UNC80: variants seen among roughly 807,000 people sequenced by gnomAD.
The protein encoded by UNC80 is protein unc-80 homolog.
Under a neutral mutation model 384.6 loss-of-function variants are expected in UNC80, and 164 were observed. That is an observed-to-expected ratio of 0.43 (90% CI 0.38 to 0.49). The LOEUF is 0.49. Ranked by LOEUF, UNC80 falls within the 20% of genes least tolerant of loss-of-function variation. The probability of loss-of-function intolerance (pLI) is 0.00; values close to 1 mark genes in which losing one functional copy is unlikely to be tolerated. For missense variants in UNC80, 3,330 were observed against 4,143.0 expected (o/e 0.80, Z 5.39); for synonymous variants, 1,486 against 1,527.8 (o/e 0.97, Z 0.64).
At chr2:209,812,173 C>A (rs182254006) in intron 7 of UNC80, among the ~76,000 whole-genome samples, 15 of 151,944 alleles carry the variant, frequency 9.9e-5, no homozygotes, top group South Asian at 2.1e-4. Flanking sequence ...CCTCAGCCTC[C>A]GGAGTAGCTG....
In UNC80 at chr2:209,777,480, G is replaced by C; in HGVS notation, c.521G>C (p.Arg174Pro). The change falls in exon 4 of 65, where the codon CGA (arginine) becomes CCA (proline). Residue 174 changes from arginine (R) to proline (P), a missense_variant. Arg to Pro is a moderately radical substitution (Grantham distance 103, BLOSUM62 -2). Coordinates refer to ENST00000673920, the MANE Select transcript of UNC80 (RefSeq NM_001371986.1). Reference protein sequence around the residue: ...SSSNDEEENNRRKIFQNSMAT... With the variant: ...SSSNDEEENNPRKIFQNSMAT... ...TCTAATGACGAAGAAGAGAACAACCGAAGAAAGATCTTCCAGAACTCCATG... is the reference window on the plus strand; with the variant it reads ...TCTAATGACGAAGAAGAGAACAACCCAAGAAAGATCTTCCAGAACTCCATG... The C allele has an allele frequency of 6.2e-7, 1 of 1,614,158 alleles. No individual in the cohort carries two copies. The highest frequency in any genetic ancestry group is 1.7e-5 in the Admixed American group (1 of 60,012).
rs766533816 is a variant in UNC80 at position 209,930,895 on chromosome 2, T to A, written c.5908-73T>A. 11 of 1,122,030 alleles carry A rather than the reference T, an allele frequency of 9.8e-6. 1 individual carries two copies. Among genetic ancestry groups the A allele is most frequent in the South Asian group, 4.6e-5 (3 of 65,776 alleles). 69.5% of individuals were successfully genotyped at this position (1,122,030 alleles called of 1,614,324 possible). The stretch of plus-strand genomic sequence containing the variant: ...AAAAATCCCTCACCCAATCCCGAAT[T>A]TTCAAGAAGTTAATTTTATTTTCTA... On this transcript the variant is annotated intron_variant, in intron 37 of 64. Transcript: ENST00000673920.
chr2:209,955,643 C>T (rs13404843), intron 48 of UNC80, among the ~76,000 whole-genome samples: 1 of 137,968 alleles, frequency 7.2e-6, no homozygotes, highest in African/African-American at 2.6e-5. Context: ...TTTCCTACAA[C>T]TAGAAGAAAG....
intron 12 of UNC80, 38 bp downstream of exon 12, chr2:209,819,299 A>T: frequency 6.6e-7 from 1 of 1,511,282 alleles, no homozygotes; most frequent in Non-Finnish European, 8.9e-7. Flanking sequence ...AGTTAGACAG[A>T]TATTAATTAT....
At chr2:209,984,786 C>CTTTTTTG in intron 60 of UNC80, 70 bp from the exon 61 acceptor site, 5 of 1,438,336 alleles carry the variant, frequency 3.5e-6, no homozygotes, top group Non-Finnish European at 4.6e-6. Flanking sequence ...AATTGCATGC[C>CTTTTTTG]TTTTTTCTTT....
chr2:209,805,200 T>A (rs919156837), intron 7 of UNC80, among the ~76,000 whole-genome samples: 1 of 152,226 alleles, frequency 6.6e-6, no homozygotes, highest in African/African-American at 2.4e-5. Flanking sequence ...ACCCAGTTTG[T>A]TAGGCACTTA....
rs1036988986 is a variant in UNC80, at chr2:209,937,556, C to A, written c.6391C>A (p.Arg2131=). ...KTYVRDIYPF[R]RSVSPQLNLV... is the part of the protein sequence containing the mutation. ...CTATGTTCGAGATATTTATCCTTTC[C>A]GGAGGTCAGTATCTCCCCAGCTGAA... Residue 2131 remains arginine (R), a synonymous_variant, in exon 42 of 65, where the codon CGG becomes AGG. Transcript: ENST00000673920. The A allele has an allele frequency of 1.3e-6, 2 of 1,551,358 alleles. No individual in the cohort carries two copies. Among genetic ancestry groups the A allele is most frequent in the Admixed American group, 3.9e-5 (2 of 50,992 alleles).
chr2:209,828,210 C>A (rs538506176), intron 14 of UNC80, among the ~76,000 whole-genome samples: 2 of 152,090 alleles, frequency 1.3e-5, no homozygotes, highest in Non-Finnish European at 2.9e-5. Context: ...TTCACAAATT[C>A]TTTATAGAAT....
intron 28 of UNC80, among the ~76,000 whole-genome samples, chr2:209,904,189 G>A (rs987416067): frequency 1.3e-5 from 2 of 152,190 alleles, no homozygotes; most frequent in African/African-American, 4.8e-5. Context: ...AGAAGAGCTA[G>A]GATGTTCTAA....
chr2:209,851,436 T>A (rs1574736457), intron 22 of UNC80, among the ~76,000 whole-genome samples: 1 of 152,158 alleles, frequency 6.6e-6, no homozygotes. Context: ...TCTTTACATA[T>A]CAAATACATC....
chr2:209,835,863 G>A (rs969815221), intron 18 of UNC80, among the ~76,000 whole-genome samples: 3 of 152,304 alleles, frequency 2.0e-5, no homozygotes, highest in Non-Finnish European at 2.9e-5. Context: ...TTCATAGCAA[G>A]CGAACAAAAT....
chr2:209,876,875 C>T (rs549362142), intron 23 of UNC80, among the ~76,000 whole-genome samples: 2 of 152,228 alleles, frequency 1.3e-5, no homozygotes, highest in South Asian at 2.1e-4. Flanking sequence ...TTTCGGTTTC[C>T]AGATATCTAA....
chr2:209,956,522 T>TC (rs1036546117), intron 48 of UNC80, among the ~76,000 whole-genome samples: 4 of 152,168 alleles, frequency 2.6e-5, no homozygotes, highest in African/African-American at 7.2e-5. Context: ...TCTCACATGC[T>TC]CCCCCTCTAC....
At chr2:209,835,055 T>C in intron 18 of UNC80, 45 bp downstream of exon 18, 1 of 1,389,270 alleles carries the variant, frequency 7.2e-7, no homozygotes. Flanking sequence ...GCTATGCACT[T>C]CACTCTGGAA....
chr2:209,870,422 G>A (rs1035619496), intron 22 of UNC80, among the ~76,000 whole-genome samples: 1 of 152,084 alleles, frequency 6.6e-6, no homozygotes, highest in Non-Finnish European at 1.5e-5. Context: ...ATATGGCATG[G>A]CACTGCAATA....
At chr2:209,902,359 G>T (rs984820235) in intron 28 of UNC80, among the ~76,000 whole-genome samples, 5 of 152,186 alleles carry the variant, frequency 3.3e-5, no homozygotes, top group Non-Finnish European at 7.3e-5. Context: ...GAACATTATT[G>T]CAATGACAAC....
chr2:209,807,363 CAT>C (rs2078966069), intron 7 of UNC80, among the ~76,000 whole-genome samples: 1 of 99,846 alleles, frequency 1.0e-5, no homozygotes, highest in African/African-American at 3.8e-5. Flanking sequence ...TCCCTCATGT[CAT>C]TTTTTTTTTT....
At chr2:209,925,522 T>C (rs1262356174) in intron 35 of UNC80, among the ~76,000 whole-genome samples, 4 of 152,162 alleles carry the variant, frequency 2.6e-5, no homozygotes, top group Non-Finnish European at 5.9e-5. Context: ...GGTGGCCAGC[T>C]TTTATTCCCT....
chr2:209,941,382 A>G lies in UNC80; in HGVS notation c.6808A>G (p.Ser2270Gly). 6.4e-7 allele frequency: 1 copy of G among 1,551,368 alleles called. No individual in the cohort carries two copies. The highest frequency in any genetic ancestry group is 8.7e-7 in the Non-Finnish European group (1 of 1,146,752). Residue 2270 changes from serine to glycine, a missense_variant, in exon 44 of 65, where the codon AGT (serine) becomes GGT (glycine). Around this residue, in one of 8 missense-constraint regions of UNC80, gnomAD observed 1,049 missense variants for 1,488.6 expected, o/e 0.70. Coordinates refer to ENST00000673920, the MANE Select transcript of UNC80 (RefSeq NM_001371986.1). ...NGALILHPED[S>G]ALLRQYAATV... ...GGCTCTGATCCTCCACCCGGAAGAC[A>G]GTGCCCTGCTCAGGCAGTATGCTGC...
Sources: allele counts gnomAD v4.1 joint callset (sites outside exome capture counted in the v4.1 genomes callset), GRCh38; gene constraint gnomAD v4.1.1; regional missense constraint gnomAD v4.1.1; transcripts MANE v1.5; gene names NCBI Gene and HGNC (gene_info 2026-07-23, HGNC 2026-07-21).